STK3: variants seen among roughly 807,000 people sequenced by gnomAD.
STK3 encodes serine/threonine-protein kinase 3.
A neutral mutation model predicts 58.0 loss-of-function variants in STK3; 41 were observed. That is an observed-to-expected ratio of 0.71 (90% CI 0.55 to 0.92). The LOEUF is 0.92. Ranked by LOEUF, STK3 falls within the 40% of genes least tolerant of loss-of-function variation. The pLI is 0.00. For synonymous variants in STK3, 170 were observed against 191.0 expected, an observed-to-expected ratio of 0.89 and a Z score of 0.91; for missense variants, 479 against 602.7, an observed-to-expected ratio of 0.79 and a Z score of 2.15.
rs186449994 is a variant in STK3 at position 98,603,921 on chromosome 8, T to C, written c.685-7752A>G. On this transcript the variant is annotated intron_variant, in intron 6 of 10. Coordinates refer to ENST00000419617, the MANE Select transcript of STK3 (RefSeq NM_006281.4). ...TTACTTTACATGGCAAAAAGGATTTTGAAGATAAGATTAAGTTAAAAGTCT... is the reference window on the plus strand; with the variant it reads ...TTACTTTACATGGCAAAAAGGATTTCGAAGATAAGATTAAGTTAAAAGTCT... 9.8e-5 allele frequency among the ~76,000 whole-genome samples: 15 copies of C among 152,338 alleles called. No individual in the cohort carries two copies. The East Asian group carries it at 2.5e-3, about 25-fold the overall frequency.
intron 3 of STK3, among the ~76,000 whole-genome samples, chr8:98,761,800 G>A (rs536074434): frequency 5.3e-5 from 8 of 152,094 alleles, no homozygotes; most frequent in African/African-American, 1.7e-4. Context: ...CCTCCAACAT[G>A]GTGATTTTGA....
chr8:98,791,054 T>G (rs1832774068), intron 1 of STK3, among the ~76,000 whole-genome samples: 1 of 151,712 alleles, frequency 6.6e-6, no homozygotes, highest in Non-Finnish European at 1.5e-5. Flanking sequence ...ATGATATGAT[T>G]GTTTACCTAG....
chr8:98,554,679 G>A (rs1811460406), intron 8 of STK3, among the ~76,000 whole-genome samples: 1 of 152,030 alleles, frequency 6.6e-6, no homozygotes, highest in African/African-American at 2.4e-5. Context: ...ATGAGAGGGT[G>A]ACACACAAAT....
At chr8:98,830,095 G>T (rs915389869), upstream of STK3, among the ~76,000 whole-genome samples, 1 of 152,122 alleles carries the variant, frequency 6.6e-6, no homozygotes, top group East Asian at 1.9e-4. Context: ...TGGGTGTGGT[G>T]GTGGGCACCT....
intron 10 of STK3, among the ~76,000 whole-genome samples, chr8:98,477,218 C>T (rs879444910): frequency 1.5e-4 from 23 of 152,142 alleles, no homozygotes; most frequent in Non-Finnish European, 2.9e-4. Context: ...GTAGTAAATT[C>T]AGTATATAAG....
chr8:98,358,178 C>A, the STK3 span, among the ~76,000 whole-genome samples: 14,235 of 152,244 alleles, frequency 0.094, 768 homozygotes, highest in East Asian at 0.19. Context: ...CACTCAGCAG[C>A]TGATTCAGCT....
chr8:98,741,181 A>C (rs1272043708), intron 4 of STK3, among the ~76,000 whole-genome samples: 1 of 152,226 alleles, frequency 6.6e-6, no homozygotes. Context: ...CATTAGACAG[A>C]TCAACCAGAC....
intron 8 of STK3, among the ~76,000 whole-genome samples, chr8:98,564,950 A>G (rs1812357197): frequency 6.6e-6 from 1 of 152,190 alleles, no homozygotes; most frequent in Non-Finnish European, 1.5e-5. Flanking sequence ...AATATAAGAT[A>G]TTAATAACAG....
chr8:98,461,002 T>C (rs181043809), intron 10 of STK3, among the ~76,000 whole-genome samples: 45 of 152,360 alleles, frequency 3.0e-4, no homozygotes, highest in Non-Finnish European at 6.2e-4. Flanking sequence ...ATATTTGTTA[T>C]GTCCATTTGT....
intron 10 of STK3, among the ~76,000 whole-genome samples, chr8:98,494,654 CAAAA>C (rs398008984): frequency 2.7e-4 from 11 of 40,458 alleles, no homozygotes; most frequent in Non-Finnish European, 3.4e-4. Flanking sequence ...GACCCTGTCT[CAAAA>C]AAAAAAAAAA....
intron 6 of STK3, among the ~76,000 whole-genome samples, chr8:98,620,324 G>C (rs1168115712): frequency 6.5e-4 from 81 of 125,268 alleles, no homozygotes; most frequent in African/African-American, 2.4e-3. Flanking sequence ...GGTGGGGTGA[G>C]GGGAGGGGGG....
intron 1 of STK3, among the ~76,000 whole-genome samples, chr8:98,386,139 C>A (rs979773867): frequency 1.3e-5 from 2 of 152,020 alleles, no homozygotes; most frequent in African/African-American, 4.8e-5. Context: ...ATATTACAAC[C>A]CCTATAGAAA....
chr8:98,708,721 T>C (rs1202705414), intron 4 of STK3, among the ~76,000 whole-genome samples: 2 of 152,192 alleles, frequency 1.3e-5, no homozygotes, highest in Non-Finnish European at 2.9e-5. Flanking sequence ...ACAGGAAATA[T>C]TTGGTCTTTG....
chr8:98,531,194 A>C (rs1826147922), intron 9 of STK3, among the ~76,000 whole-genome samples: 1 of 152,230 alleles, frequency 6.6e-6, no homozygotes, highest in Non-Finnish European at 1.5e-5. Flanking sequence ...AGATCCATCA[A>C]AGCAATCATT....
intron 1 of STK3, among the ~76,000 whole-genome samples, chr8:98,901,516 G>T (rs551282294): frequency 6.6e-6 from 1 of 152,246 alleles, no homozygotes; most frequent in Non-Finnish European, 1.5e-5. Context: ...CTCTCTGACT[G>T]CACACCACAC....
At chr8:98,402,593 C>G (rs1342145379) in intron 3 of STK3, among the ~76,000 whole-genome samples, 1 of 152,214 alleles carries the variant, frequency 6.6e-6, no homozygotes, top group Non-Finnish European at 1.5e-5. Flanking sequence ...GCCCTGCTGT[C>G]CTGGGAGTCT....
intron 9 of STK3, among the ~76,000 whole-genome samples, chr8:98,529,639 A>G (rs1462985854): frequency 6.6e-6 from 1 of 152,236 alleles, no homozygotes; most frequent in East Asian, 1.9e-4. Flanking sequence ...CTATTGCAGC[A>G]TTATTCATAA....
At chr8:98,858,753 G>A (rs867434868) in intron 3 of STK3, among the ~76,000 whole-genome samples, 12 of 151,854 alleles carry the variant, frequency 7.9e-5, no homozygotes, top group Non-Finnish European at 1.3e-4. Context: ...TTAGCTGGGC[G>A]TGGTGGTGCA....
chr8:98,799,080 G>T (rs1197721469), intron 1 of STK3, among the ~76,000 whole-genome samples: 3 of 152,104 alleles, frequency 2.0e-5, no homozygotes, highest in Admixed American at 2.0e-4. Context: ...AAATTACCCA[G>T]TCTATGGCAT....
Sources: gnomAD v4.1 joint callset for allele counts (sites outside exome capture counted in the v4.1 genomes callset) on GRCh38, gnomAD v4.1.1 for gene constraint, MANE v1.5 for transcripts, NCBI Gene and HGNC (gene_info 2026-07-23, HGNC 2026-07-21) for gene names.